The following RXFP2 variants were observed in gnomAD, a reference collection of about 807,000 sequenced individuals.
RXFP2 encodes relaxin family peptide receptor 2.
A neutral mutation model predicts 88.6 loss-of-function variants in RXFP2; 68 were observed. The ratio of observed to expected loss-of-function variants is 0.77; its 90% CI spans 0.63 to 0.94. The LOEUF (loss-of-function observed/expected upper bound fraction) is 0.94, where lower values mean the gene tolerates loss of function less well. RXFP2 is among the 40% of genes least tolerant of loss of function. The pLI is 0.00. For missense variants in RXFP2, 791 were observed against 893.9 expected, an observed-to-expected ratio of 0.88 and a Z score of 1.47; for synonymous variants, 329 against 306.8, an observed-to-expected ratio of 1.07 and a Z score of -0.76.
chr13:31,765,528 A>G (rs1872516323), intron 4 of RXFP2, among the ~76,000 whole-genome samples: 3 of 152,094 alleles, frequency 2.0e-5, no homozygotes, highest in Admixed American at 6.5e-5. Context: ...TAAAAGATCC[A>G]TGAAGCTAGT....
chr13:31,756,865 C>T (rs1871978343), intron 1 of RXFP2, among the ~76,000 whole-genome samples: 1 of 152,062 alleles, frequency 6.6e-6, no homozygotes, highest in South Asian at 2.1e-4. Flanking sequence ...AAGTAATTTC[C>T]CCACCTCGGC....
At chr13:31,742,447 T>C (rs1322928677) in intron 1 of RXFP2, among the ~76,000 whole-genome samples, 1 of 152,240 alleles carries the variant, frequency 6.6e-6, no homozygotes, top group Non-Finnish European at 1.5e-5. Context: ...AAATCAATTA[T>C]GTTTCAGGCC....
intron 5 of RXFP2, 36 bp downstream of exon 5, chr13:31,766,063 A>AC (rs762624336): frequency 9.3e-7 from 1 of 1,071,984 alleles, no homozygotes; most frequent in South Asian, 1.3e-5. Context: ...ATTTAAAAAA[A>AC]ATCCTCGTGG....
At chr13:31,750,068 A>G (rs1459149444) in intron 1 of RXFP2, among the ~76,000 whole-genome samples, 2 of 152,210 alleles carry the variant, frequency 1.3e-5, no homozygotes, top group African/African-American at 2.4e-5. Context: ...TGGCAGTTCC[A>G]TCTCTGGAGC....
At chr13:31,755,993 G>T (rs531472080) in intron 1 of RXFP2, among the ~76,000 whole-genome samples, 1 of 152,262 alleles carries the variant, frequency 6.6e-6, no homozygotes, top group South Asian at 2.1e-4. Flanking sequence ...CCCCAGAGAG[G>T]GCCAGAGGCT....
At position 31,739,699 on chromosome 13, in the gene RXFP2, T is replaced by C. The variant is rs1871149770; in HGVS notation, c.87T>C (p.Asn29=). The C allele has an allele frequency of 6.3e-7, 1 of 1,596,074 alleles. No individual in the cohort carries two copies. The highest frequency in any genetic ancestry group is 1.3e-5 in the African/African-American group (1 of 74,554). ...FFLLHFIVLI[N]VKDFALTQGS... ...TACTTCATTTCATCGTTCTGATCAA[T>C]GTCAAAGGTAAGGTTGCTACTTTCT... The change falls in exon 1 of 18, where the codon AAT becomes AAC. Residue 29 remains asparagine (N), a synonymous_variant. Coordinates refer to ENST00000298386, the MANE Select transcript of RXFP2 (RefSeq NM_130806.5).
At chr13:31,751,013 G>A (rs891523830) in intron 1 of RXFP2, among the ~76,000 whole-genome samples, 1 of 152,184 alleles carries the variant, frequency 6.6e-6, no homozygotes, top group Admixed American at 6.5e-5. Flanking sequence ...AAAATAGCTG[G>A]GTGCAGTGGC....
At chr13:31,742,189 A>G (rs966881155) in intron 1 of RXFP2, among the ~76,000 whole-genome samples, 8 of 152,246 alleles carry the variant, frequency 5.3e-5, no homozygotes, top group Non-Finnish European at 1.2e-4. Flanking sequence ...TGAGGCTGCT[A>G]CTTGGCAACT....
chr13:31,780,201 G>A (rs187767721), intron 9 of RXFP2, among the ~76,000 whole-genome samples: 1 of 152,186 alleles, frequency 6.6e-6, no homozygotes, highest in African/African-American at 2.4e-5. Flanking sequence ...CAATAAAAAC[G>A]CACAGGTAGC....
In RXFP2 at chr13:31,777,424, G is replaced by A. The variant is rs776456901; in HGVS notation, c.690G>A (p.Thr230=). Residue 230 remains threonine, a synonymous_variant, in exon 8 of 18, where the codon ACG becomes ACA. Coordinates refer to ENST00000298386, the MANE Select transcript of RXFP2 (RefSeq NM_130806.5). ...CCAGAATTTCACAGCGCTTGTTTAC[G>A]GGATTAAATTCCTTGTTTTTCCTGT... The part of the protein sequence containing the change: ...PITRISQRLF[T]GLNSLFFLSM... 63 of 1,611,142 alleles carry A rather than the reference G, an allele frequency of 3.9e-5. No homozygotes were observed. Among genetic ancestry groups the A allele is most frequent in the Admixed American group, 5.0e-5 (3 of 59,898 alleles).
chr13:31,773,716 A>G (rs1468309165), intron 5 of RXFP2, among the ~76,000 whole-genome samples: 1 of 152,168 alleles, frequency 6.6e-6, no homozygotes, highest in Non-Finnish European at 1.5e-5. Flanking sequence ...TCATGGTATA[A>G]CAAAATTCAC....
rs780610607 is a variant in RXFP2 at position 31,766,037 on chromosome 13, C to T, written c.497+10C>T. 68 of 1,292,140 alleles carry T rather than the reference C, an allele frequency of 5.3e-5. No individual in the cohort carries two copies. Among genetic ancestry groups the T allele is most frequent in the Non-Finnish European group, 6.9e-5 (63 of 911,468 alleles). 80.0% of individuals were successfully genotyped at this position (1,292,140 alleles called of 1,614,324 possible). On this transcript the variant is annotated intron_variant, in intron 5 of 17. Coordinates refer to ENST00000298386, the MANE Select transcript of RXFP2 (RefSeq NM_130806.5). ...CAAAACTTAAAAAGATGTAAGTAGC[C>T]GTTAATAGCATATTTATTTAAAAAA...
chr13:31,744,884 A>G (rs1385387502), intron 1 of RXFP2, among the ~76,000 whole-genome samples: 2 of 152,134 alleles, frequency 1.3e-5, no homozygotes, highest in East Asian at 3.9e-4. Context: ...TTAAAGCTCT[A>G]TCAGCTGGGC....
intron 1 of RXFP2, among the ~76,000 whole-genome samples, chr13:31,745,908 G>A (rs983961484): frequency 1.9e-4 from 29 of 152,192 alleles, no homozygotes; most frequent in African/African-American, 7.0e-4. Flanking sequence ...GTGAAGTAAA[G>A]TGCTACACAA....
intron 5 of RXFP2, among the ~76,000 whole-genome samples, chr13:31,770,333 G>T (rs1461319682): frequency 1.3e-5 from 2 of 152,130 alleles, no homozygotes; most frequent in Non-Finnish European, 2.9e-5. Flanking sequence ...CTTTCCAGCT[G>T]CTCATCCTTT....
chr13:31,771,759 T>G (rs1593458731), intron 5 of RXFP2, among the ~76,000 whole-genome samples: 1 of 147,006 alleles, frequency 6.8e-6, no homozygotes, highest in Admixed American at 6.9e-5. Flanking sequence ...ACCACAGCAC[T>G]CCAGCCTGGG....
chr13:31,746,643 T>C (rs913090729), intron 1 of RXFP2, among the ~76,000 whole-genome samples: 11 of 152,186 alleles, frequency 7.2e-5, no homozygotes, highest in African/African-American at 2.7e-4. Flanking sequence ...GCTTTCTTTA[T>C]CCAATTTTTT....
intron 9 of RXFP2, among the ~76,000 whole-genome samples, chr13:31,779,761 T>C (rs1471018649): frequency 6.6e-6 from 1 of 152,192 alleles, no homozygotes; most frequent in African/African-American, 2.4e-5. Context: ...GTTTTAGTAC[T>C]TCAGCTTTTG....
At position 31,786,424 on chromosome 13, in the gene RXFP2, T is replaced by A. The variant is rs548026150; in HGVS notation, c.971T>A (p.Leu324His). Residue 324 changes from leucine (L) to histidine (H), a missense_variant, in exon 12 of 18, where the codon CTT (leucine) becomes CAT (histidine). By Grantham distance (99) the Leu-to-His change is moderately conservative. Coordinates refer to ENST00000298386, the MANE Select transcript of RXFP2 (RefSeq NM_130806.5). ...SNTITELSPHLFKDLKLLQKL... is the reference protein window; with the variant it reads ...SNTITELSPHHFKDLKLLQKL... ...ACGATAACGGAACTATCACCTCACCTTTTTAAAGACTTGAAGCTTCTACAA... is the reference window on the plus strand; with the variant it reads ...ACGATAACGGAACTATCACCTCACCATTTTAAAGACTTGAAGCTTCTACAA... 1.2e-6 allele frequency: 2 copies of A among 1,608,608 alleles called. No homozygotes were observed. Among genetic ancestry groups the A allele is most frequent in the Admixed American group, 1.7e-5 (1 of 60,004 alleles).
Sources: gnomAD v4.1 joint callset for allele counts (sites outside exome capture counted in the v4.1 genomes callset) on GRCh38, gnomAD v4.1.1 for gene constraint, MANE v1.5 for transcripts, NCBI Gene and HGNC (gene_info 2026-07-23, HGNC 2026-07-21) for gene names.